KCTD8: variants seen among roughly 807,000 people sequenced by gnomAD.
KCTD8 encodes the protein BTB/POZ domain-containing protein KCTD8.
A neutral mutation model predicts 31.5 loss-of-function variants in KCTD8; 27 were observed. The observed-to-expected ratio is 0.86, with a 90% CI of 0.63 to 1.18. The LOEUF (loss-of-function observed/expected upper bound fraction) is 1.18. KCTD8 is among the 50% of genes most tolerant of loss of function. KCTD8 has a pLI of 0.00. For synonymous variants in KCTD8, 290 were observed against 280.0 expected (o/e 1.04, Z -0.36); for missense variants, 658 against 647.7 (o/e 1.02, Z -0.17).
chr4:44,181,285 T>G (rs1038976201), intron 1 of KCTD8, among the ~76,000 whole-genome samples: 4 of 151,232 alleles, frequency 2.6e-5, no homozygotes, highest in Non-Finnish European at 5.9e-5. Flanking sequence ...ACCGTCTCCC[T>G]CTGATGCCGA....
chr4:44,334,186 C>T (rs1718658887), intron 1 of KCTD8, among the ~76,000 whole-genome samples: 1 of 152,066 alleles, frequency 6.6e-6, no homozygotes, highest in Admixed American at 6.6e-5. Context: ...TTAAAAGTCA[C>T]TCAATACATT....
chr4:44,380,047 A>G (rs1413574077), intron 1 of KCTD8, among the ~76,000 whole-genome samples: 2 of 152,088 alleles, frequency 1.3e-5, no homozygotes, highest in African/African-American at 4.8e-5. Context: ...AGATATACAT[A>G]CTGACATAGC....
At chr4:44,227,513 C>G (rs1368045728) in intron 1 of KCTD8, among the ~76,000 whole-genome samples, 1 of 152,106 alleles carries the variant, frequency 6.6e-6, no homozygotes, top group Non-Finnish European at 1.5e-5. Flanking sequence ...TGTATCCAAC[C>G]ATTTAACCAT....
In KCTD8 at chr4:44,174,608, T is replaced by G. The variant is rs1713143104; in HGVS notation, c.*182A>C. 2.0e-6 allele frequency: 1 copy of G among 488,252 alleles called. No homozygotes were observed. The highest frequency in any genetic ancestry group is 3.5e-6 in the Non-Finnish European group (1 of 282,506). 30.2% of individuals were successfully genotyped at this position (488,252 alleles called of 1,614,324 possible). A position where few individuals can be genotyped will look rare whatever the true frequency, so the allele number is the denominator to read the frequency against. ...CTTATTGATTTAATATTTTTTCCTT[T>G]TTAATCATGTTTCTAAAAAGAACAA... On this transcript the variant is annotated 3_prime_UTR_variant, in exon 2 of 2. Transcript: ENST00000360029.
At chr4:44,209,587 C>T (rs1714421188) in intron 1 of KCTD8, among the ~76,000 whole-genome samples, 1 of 151,766 alleles carries the variant, frequency 6.6e-6, no homozygotes, top group African/African-American at 2.4e-5. Flanking sequence ...GATTGATTGA[C>T]TGATGTAATA....
intron 1 of KCTD8, among the ~76,000 whole-genome samples, chr4:44,182,408 A>G (rs1335799950): frequency 6.6e-6 from 1 of 152,262 alleles, no homozygotes; most frequent in Non-Finnish European, 1.5e-5. Context: ...TGTAGAAAGA[A>G]GTAGACATGG....
intron 1 of KCTD8, among the ~76,000 whole-genome samples, chr4:44,187,461 T>C (rs549344721): frequency 6.6e-6 from 1 of 152,240 alleles, no homozygotes; most frequent in African/African-American, 2.4e-5. Context: ...TTTTGGAATC[T>C]GGAATGAAGC....
intron 1 of KCTD8, among the ~76,000 whole-genome samples, chr4:44,357,728 AACT>A (rs1719380551): frequency 6.6e-6 from 1 of 152,096 alleles, no homozygotes. Flanking sequence ...GAAAAAAGAT[AACT>A]TCTGTATACA....
intron 1 of KCTD8, among the ~76,000 whole-genome samples, chr4:44,397,944 T>TA (rs1033474961): frequency 6.6e-6 from 1 of 151,878 alleles, no homozygotes; most frequent in African/African-American, 2.4e-5. Context: ...TTACTTTTTT[T>TA]AAAAAAACAA....
intron 1 of KCTD8, among the ~76,000 whole-genome samples, chr4:44,363,591 A>G (rs1719556086): frequency 6.6e-6 from 1 of 152,176 alleles, no homozygotes; most frequent in East Asian, 1.9e-4. Context: ...CACCAACTTG[A>G]GAGTAGTCCT....
intron 1 of KCTD8, among the ~76,000 whole-genome samples, chr4:44,291,027 G>T (rs1407344356): frequency 1.3e-5 from 2 of 151,936 alleles, no homozygotes; most frequent in Non-Finnish European, 2.9e-5. Flanking sequence ...ACCTAGAGTT[G>T]GTTTTTCAAA....
chr4:44,305,648 A>G lies in KCTD8; in HGVS notation c.962-130398T>C, dbSNP rs1717780012. Among the ~76,000 whole-genome samples the G allele has an allele frequency of 2.6e-5, 4 of 151,926 alleles. No homozygotes were observed. The South Asian group carries it at 8.3e-4, about 31-fold the overall frequency. On this transcript the variant is annotated intron_variant, in intron 1 of 1. Transcript: ENST00000360029. ...CCTAAGTTAATAACAGATTAAGCAG[A>G]CAAAAACAATTCAATGAGTCAGTAA...
chr4:44,238,819 T>C (rs1012760490), intron 1 of KCTD8, among the ~76,000 whole-genome samples: 4 of 152,218 alleles, frequency 2.6e-5, no homozygotes, highest in Admixed American at 1.3e-4. Context: ...GGAATTAACA[T>C]AGTAGCATTA....
intron 1 of KCTD8, among the ~76,000 whole-genome samples, chr4:44,363,561 T>C (rs1577637381): frequency 1.3e-5 from 2 of 152,176 alleles, no homozygotes; most frequent in South Asian, 2.1e-4. Flanking sequence ...ATTTCTCCTC[T>C]AGGCACATTT....
intron 1 of KCTD8, among the ~76,000 whole-genome samples, chr4:44,385,926 G>T (rs1459100338): frequency 6.6e-6 from 1 of 151,392 alleles, no homozygotes; most frequent in Non-Finnish European, 1.5e-5. Flanking sequence ...GAAAATGTAT[G>T]AATGATTGAT....
intron 1 of KCTD8, among the ~76,000 whole-genome samples, chr4:44,186,570 C>A (rs1248593231): frequency 6.6e-6 from 1 of 152,210 alleles, no homozygotes; most frequent in Non-Finnish European, 1.5e-5. Flanking sequence ...CCTCTGGGGC[C>A]TAAGGAGCTG....
intron 1 of KCTD8, among the ~76,000 whole-genome samples, chr4:44,245,019 C>A (rs1021020083): frequency 6.6e-6 from 1 of 152,120 alleles, no homozygotes; most frequent in Non-Finnish European, 1.5e-5. Flanking sequence ...TTTTTAAGCA[C>A]ATACTTTATT....
intron 1 of KCTD8, among the ~76,000 whole-genome samples, chr4:44,343,535 G>A (rs1415042236): frequency 2.6e-5 from 4 of 152,130 alleles, no homozygotes; most frequent in Non-Finnish European, 5.9e-5. Context: ...GTGAGCACCT[G>A]CTGTCTGAAA....
At chr4:44,325,393 ATG>A (rs1718417434) in intron 1 of KCTD8, among the ~76,000 whole-genome samples, 1 of 151,990 alleles carries the variant, frequency 6.6e-6, no homozygotes, top group Non-Finnish European at 1.5e-5. Context: ...TTGTGAACAT[ATG>A]TTGGTCAAAG....
Sources: gnomAD v4.1 joint callset for allele counts (sites outside exome capture counted in the v4.1 genomes callset) on GRCh38, gnomAD v4.1.1 for gene constraint, MANE v1.5 for transcripts, NCBI Gene and HGNC (gene_info 2026-07-23, HGNC 2026-07-21) for gene names.